The following AMOTL1 variants were observed in gnomAD, a reference collection of about 807,000 sequenced individuals.
AMOTL1 encodes the protein angiomotin-like protein 1.
In AMOTL1, 45 loss-of-function variants were observed where a neutral mutation model predicts 102.9. That is an observed-to-expected ratio of 0.44 (90% CI 0.34 to 0.56). The LOEUF (loss-of-function observed/expected upper bound fraction) is 0.56, where lower values mean the gene tolerates loss of function less well. Among genes scored for constraint, AMOTL1 ranks in the 20% least tolerant of loss-of-function variants. AMOTL1 has a pLI of 0.01. For synonymous variants in AMOTL1, 481 were observed against 484.7 expected (o/e 0.99, Z 0.10); for missense variants, 1,114 against 1,225.6 (o/e 0.91, Z 1.36).
rs553988757 is a variant in AMOTL1, at chr11:94,850,198, T to C, written c.1733T>C (p.Ile578Thr). 1.3e-6 allele frequency: 2 copies of C among 1,595,002 alleles called. No individual in the cohort carries two copies. Among genetic ancestry groups the C allele is most frequent in the East Asian group, 4.5e-5 (2 of 44,260 alleles). Residue 578 changes from isoleucine to threonine, a missense_variant, in exon 7 of 13, where the codon ATC becomes ACC. Coordinates refer to ENST00000433060, the MANE Select transcript of AMOTL1 (RefSeq NM_130847.3). ...RTASEDHRRH[I>T]EILDQALSNA... ...GCAAGTGAGGACCATCGGAGACACA[T>C]CGAGATCCTGGACCAGGCTTTGAGC... is the stretch of plus-strand genomic sequence containing the variant.
intron 10 of AMOTL1, among the ~76,000 whole-genome samples, 161 bp from the exon 11 acceptor site, chr11:94,865,781 G>T (rs1272884866): frequency 6.6e-6 from 1 of 152,148 alleles, no homozygotes; most frequent in African/African-American, 2.4e-5. Flanking sequence ...CAAAAGACCT[G>T]TCTTAACAAT....
Position 94,768,446 on chromosome 11 carries a change from C to T in AMOTL1, c.-66C>T. Reference sequence around the variant, plus strand: ...GTGAATGGGGTTGATTGTCCGGCGCCACTTCCCCGCGCTGCCCGGCAGCCG... The same window carrying T: ...GTGAATGGGGTTGATTGTCCGGCGCTACTTCCCCGCGCTGCCCGGCAGCCG... On this transcript the variant is annotated 5_prime_UTR_variant, in exon 1 of 13. Transcript: ENST00000433060. The T allele has an allele frequency of 3.2e-6, 5 of 1,549,898 alleles. No individual in the cohort carries two copies. Among genetic ancestry groups the T allele is most frequent in the Non-Finnish European group, 4.4e-6 (5 of 1,148,542 alleles).
At chr11:94,793,376 C>T (rs1050161456) in intron 1 of AMOTL1, among the ~76,000 whole-genome samples, 7 of 152,156 alleles carry the variant, frequency 4.6e-5, no homozygotes, top group Non-Finnish European at 8.8e-5. Flanking sequence ...AGAGCTTCCC[C>T]AGTTTCGCTC....
At chr11:94,772,828 T>TGAGA (rs1300823598) in intron 1 of AMOTL1, among the ~76,000 whole-genome samples, 2 of 152,240 alleles carry the variant, frequency 1.3e-5, no homozygotes, top group African/African-American at 2.4e-5. Flanking sequence ...TAGCAATGTA[T>TGAGA]GAGAGATCCA....
At chr11:94,820,850 A>G (rs1029458404) in intron 3 of AMOTL1, among the ~76,000 whole-genome samples, 3 of 152,198 alleles carry the variant, frequency 2.0e-5, no homozygotes, top group African/African-American at 4.8e-5. Context: ...TCAAGCTCCT[A>G]TGAGAATCTA....
intron 12 of AMOTL1, among the ~76,000 whole-genome samples, chr11:94,869,930 T>C (rs1467150590): frequency 6.6e-6 from 1 of 152,186 alleles, no homozygotes; most frequent in African/African-American, 2.4e-5. Flanking sequence ...CAGAGTCGGT[T>C]AACGTGTGGC....
chr11:94,739,224 C>T (rs1256013995), intron 2 of AMOTL1, among the ~76,000 whole-genome samples: 2 of 152,118 alleles, frequency 1.3e-5, no homozygotes, highest in Non-Finnish European at 2.9e-5. Flanking sequence ...ATTTTGCTAG[C>T]GATGAACCAT....
intron 3 of AMOTL1, among the ~76,000 whole-genome samples, chr11:94,749,348 C>T (rs1194157040): frequency 6.6e-6 from 1 of 152,002 alleles, no homozygotes; most frequent in Admixed American, 6.5e-5. Flanking sequence ...TTTCCTCAGC[C>T]CTTTTGGTTC....
intron 3 of AMOTL1, among the ~76,000 whole-genome samples, chr11:94,800,690 T>G (rs1951460840): frequency 6.6e-6 from 1 of 152,168 alleles, no homozygotes; most frequent in Admixed American, 6.5e-5. Flanking sequence ...CATTGTAGAT[T>G]TTAAAGGAAA....
chr11:94,799,397 T>C lies in AMOTL1; in HGVS notation c.207T>C (p.Asp69=), dbSNP rs1951425469. 1 of 1,564,810 alleles carries C rather than the reference T, an allele frequency of 6.4e-7. No homozygotes were observed. Among genetic ancestry groups the C allele is most frequent in the Non-Finnish European group, 8.7e-7 (1 of 1,152,950 alleles). The change falls in exon 3 of 13, where the codon GAT becomes GAC. Residue 69 remains aspartate, a synonymous_variant. Coordinates refer to ENST00000433060, the MANE Select transcript of AMOTL1 (RefSeq NM_130847.3). This position sits in a 1 kb window ranked among gnomAD's most constrained non-coding sequence, Gnocchi z 4.5. ...TSSIREKVVE[D]PLCNFHSPNF... ...CCTATGTTTATCTTTTAGTTGAAGA[T>C]CCTCTTTGTAACTTCCACTCCCCAA...
rs751441642 is a variant in AMOTL1, at chr11:94,821,631, C to G, written c.1223C>G (p.Pro408Arg). The G allele has an allele frequency of 1.9e-6, 3 of 1,613,730 alleles. No homozygotes were observed. The highest frequency in any genetic ancestry group is 1.7e-5 in the Admixed American group (1 of 59,988). Residue 408 changes from proline (P) to arginine (R), a missense_variant, in exon 4 of 13, where the codon CCG becomes CGG. Physicochemically the swap from Pro to Arg is moderately radical, Grantham distance 103. Coordinates refer to ENST00000433060, the MANE Select transcript of AMOTL1 (RefSeq NM_130847.3). Reference sequence around the variant, plus strand: ...GGGCCACTGCACTCTGTCTCCCTGCCGCTTCCACTCCCGATGGCCCTGGGT... The same window carrying G: ...GGGCCACTGCACTCTGTCTCCCTGCGGCTTCCACTCCCGATGGCCCTGGGT... ...ASGPLHSVSL[P>R]LPLPMALGAP...
intron 2 of AMOTL1, chr11:94,796,984 G>A (rs1235769069): frequency 2.5e-5 from 25 of 985,176 alleles, no homozygotes; most frequent in Non-Finnish European, 2.5e-5. Flanking sequence ...AAACGAGCGT[G>A]GCAGTTGATT....
intron 9 of AMOTL1, among the ~76,000 whole-genome samples, chr11:94,863,684 A>G (rs1223313232): frequency 2.0e-5 from 3 of 152,256 alleles, no homozygotes; most frequent in Non-Finnish European, 4.4e-5. Flanking sequence ...TACTAATTAA[A>G]TACTCATGTA....
At chr11:94,814,836 C>T (rs1479414203) in intron 3 of AMOTL1, among the ~76,000 whole-genome samples, 1 of 152,170 alleles carries the variant, frequency 6.6e-6, no homozygotes, top group Non-Finnish European at 1.5e-5. Flanking sequence ...GCCACTTATT[C>T]AGTTGTCAGA....
intron 3 of AMOTL1, among the ~76,000 whole-genome samples, chr11:94,743,647 A>T (rs373993027): frequency 0.011 from 903 of 80,744 alleles, 40 homozygotes; most frequent in African/African-American, 0.039. Flanking sequence ...TACTCACAAT[A>T]CTTCTTTTTT....
rs187778602 is a variant in AMOTL1, at chr11:94,816,420, G to A, written c.1122-5110G>A. Reference sequence around the variant, plus strand: ...CTCTTCCTATGTCTAATTGAAGTACGCTTTTTATTAGTTTGACTTTCAGGT... The same window carrying A: ...CTCTTCCTATGTCTAATTGAAGTACACTTTTTATTAGTTTGACTTTCAGGT... On this transcript the variant is annotated intron_variant, in intron 3 of 12. Coordinates refer to ENST00000433060, the MANE Select transcript of AMOTL1 (RefSeq NM_130847.3). Among the ~76,000 whole-genome samples the A allele has an allele frequency of 5.0e-4, 76 of 152,218 alleles. 1 individual carries two copies. Among genetic ancestry groups the A allele is most frequent in the Non-Finnish European group, 8.8e-4 (60 of 67,986 alleles).
Position 94,800,152 on chromosome 11 carries a change from T to C in AMOTL1, c.962T>C (p.Met321Thr). Reference protein sequence around the residue: ...PEYPFKTKQMMSPVSKTQEHG... With the variant: ...PEYPFKTKQMTSPVSKTQEHG... ...TACCCCTTCAAGACCAAGCAAATGA[T>C]GTCCCCAGTCAGCAAGACCCAGGAG... Residue 321 changes from methionine (M) to threonine (T), a missense_variant, in exon 3 of 13, where the codon ATG (methionine) becomes ACG (threonine). Transcript: ENST00000433060. The C allele has an allele frequency of 6.2e-7, 1 of 1,613,928 alleles. No individual in the cohort carries two copies.
chr11:94,839,585 G>A (rs1055706923), intron 6 of AMOTL1, among the ~76,000 whole-genome samples: 1 of 152,170 alleles, frequency 6.6e-6, no homozygotes, highest in Non-Finnish European at 1.5e-5. Context: ...TGTGAGAGGT[G>A]GCAATGTTGA....
rs188487790 is a variant in AMOTL1 at position 94,816,805 on chromosome 11, G to A, written c.1122-4725G>A. 1.1e-3 allele frequency among the ~76,000 whole-genome samples: 160 copies of A among 152,242 alleles called. 1 individual carries two copies. In the Middle Eastern group the frequency reaches 0.014, roughly 13 times the overall value. ...TAGAAGATGCCAACCAAAATAAACTGTGTTTGTGAGACACAGGGCCAGAAA... is the reference window on the plus strand; with the variant it reads ...TAGAAGATGCCAACCAAAATAAACTATGTTTGTGAGACACAGGGCCAGAAA... On this transcript the variant is annotated intron_variant, in intron 3 of 12. Coordinates refer to ENST00000433060, the MANE Select transcript of AMOTL1 (RefSeq NM_130847.3).
Sources: allele counts gnomAD v4.1 joint callset (sites outside exome capture counted in the v4.1 genomes callset), GRCh38; gene constraint gnomAD v4.1.1; non-coding constraint Gnocchi (gnomAD v3.1); transcripts MANE v1.5; gene names NCBI Gene and HGNC (gene_info 2026-07-23, HGNC 2026-07-21).